The following ABCC4 variants were observed in gnomAD, a reference collection of about 807,000 sequenced individuals.
ABCC4 encodes the protein ATP-binding cassette sub-family C member 4.
In ABCC4, 102 loss-of-function variants were observed where a neutral mutation model predicts 168.5. That is an observed-to-expected ratio of 0.61 (90% CI 0.52 to 0.71). ABCC4 has a LOEUF of 0.71. Among genes scored for constraint, ABCC4 ranks in the 30% least tolerant of loss-of-function variants. ABCC4 has a pLI of 0.00. For missense variants in ABCC4, 1,402 were observed against 1,605.8 expected (o/e 0.87, Z 2.17); for synonymous variants, 617 against 590.7 (o/e 1.04, Z -0.65).
chr13:95,101,628 T>C (rs958396512), intron 20 of ABCC4, among the ~76,000 whole-genome samples: 3 of 152,214 alleles, frequency 2.0e-5, no homozygotes, highest in Admixed American at 6.5e-5. Context: ...ACACTCAATG[T>C]TATCAAGGGC....
chr13:95,125,791 T>G, intron 19 of ABCC4, among the ~76,000 whole-genome samples: 1 of 152,192 alleles, frequency 6.6e-6, no homozygotes, highest in East Asian at 1.9e-4. Flanking sequence ...AAGTGATGAT[T>G]ATTTTACATT....
chr13:95,293,044 C>A (rs1186601476), intron 1 of ABCC4, among the ~76,000 whole-genome samples: 5 of 152,106 alleles, frequency 3.3e-5, no homozygotes, highest in African/African-American at 1.2e-4. Flanking sequence ...ACGTCTCAGG[C>A]AACACTTTCT....
At chr13:95,253,211 AG>A (rs1310369968) in intron 1 of ABCC4, among the ~76,000 whole-genome samples, 1 of 152,150 alleles carries the variant, frequency 6.6e-6, no homozygotes, top group Non-Finnish European at 1.5e-5. Context: ...AATGATGCTG[AG>A]TTTCCATTTT....
chr13:95,040,822 A>G (rs1403255322), intron 29 of ABCC4, among the ~76,000 whole-genome samples: 2 of 152,210 alleles, frequency 1.3e-5, no homozygotes, highest in Non-Finnish European at 2.9e-5. Flanking sequence ...AGAAAGAAAG[A>G]TATACATTAT....
At chr13:95,089,444 C>A (rs897133324) in intron 20 of ABCC4, among the ~76,000 whole-genome samples, 3 of 152,024 alleles carry the variant, frequency 2.0e-5, no homozygotes, top group African/African-American at 7.2e-5. Flanking sequence ...ATGGTGAAAC[C>A]CCGTCTCTAC....
At chr13:95,052,049 C>T (rs1004356160) in intron 27 of ABCC4, among the ~76,000 whole-genome samples, 5 of 148,458 alleles carry the variant, frequency 3.4e-5, no homozygotes, top group Non-Finnish European at 7.4e-5. Context: ...GGCACGATCT[C>T]GGCTCACTGC....
chr13:95,241,203 A>C (rs1266046393), intron 3 of ABCC4, among the ~76,000 whole-genome samples: 2 of 151,816 alleles, frequency 1.3e-5, no homozygotes, highest in Admixed American at 6.6e-5. Flanking sequence ...TCTCTACTAA[A>C]AATACAAAAA....
chr13:95,276,077 T>C (rs576288216), intron 1 of ABCC4, among the ~76,000 whole-genome samples: 10 of 152,176 alleles, frequency 6.6e-5, no homozygotes, highest in South Asian at 4.2e-4. Context: ...AGGAAATAAA[T>C]CAAGAGGGAA....
At chr13:95,217,232 T>C (rs1276011263) in intron 4 of ABCC4, among the ~76,000 whole-genome samples, 1 of 152,168 alleles carries the variant, frequency 6.6e-6, no homozygotes, top group Non-Finnish European at 1.5e-5. Context: ...ATTTGAAAAA[T>C]ATAAACTGTT....
At chr13:95,296,496 T>C (rs556143666) in intron 1 of ABCC4, among the ~76,000 whole-genome samples, 9 of 152,278 alleles carry the variant, frequency 5.9e-5, no homozygotes, top group Admixed American at 2.0e-4. Flanking sequence ...AGAGTCTGTC[T>C]GGTCACCAGT....
intron 13 of ABCC4, among the ~76,000 whole-genome samples, chr13:95,174,381 G>C (rs770829255): frequency 4.6e-5 from 7 of 152,156 alleles, no homozygotes; most frequent in Non-Finnish European, 8.8e-5. Flanking sequence ...ATCTTTCATA[G>C]CATATTGTTC....
At chr13:95,112,278 G>C (rs2035229417) in intron 20 of ABCC4, among the ~76,000 whole-genome samples, 1 of 151,854 alleles carries the variant, frequency 6.6e-6, no homozygotes, top group Admixed American at 6.6e-5. Context: ...GTTTGAACCT[G>C]GGGGGCAAAG....
chr13:95,150,683 T>A (rs754077478), intron 19 of ABCC4, among the ~76,000 whole-genome samples: 1 of 152,208 alleles, frequency 6.6e-6, no homozygotes, highest in Non-Finnish European at 1.5e-5. Context: ...GAAAATATCA[T>A]TACTTATGTT....
chr13:95,060,129 T>A (rs1270094408), intron 26 of ABCC4, among the ~76,000 whole-genome samples: 1 of 152,180 alleles, frequency 6.6e-6, no homozygotes, highest in Non-Finnish European at 1.5e-5. Flanking sequence ...TCAACCAACA[T>A]TGAGCCTTGG....
intron 4 of ABCC4, among the ~76,000 whole-genome samples, chr13:95,212,551 T>C (rs1290762157): frequency 1.3e-5 from 2 of 152,184 alleles, no homozygotes; most frequent in African/African-American, 4.8e-5. Flanking sequence ...AGATTGTGTC[T>C]GAGGCCAACA....
At chr13:95,103,240 G>A (rs1324261753) in intron 20 of ABCC4, among the ~76,000 whole-genome samples, 1 of 152,102 alleles carries the variant, frequency 6.6e-6, no homozygotes, top group Non-Finnish European at 1.5e-5. Flanking sequence ...ACTCCAGCCT[G>A]GGCGACAGAG....
At chr13:95,294,940 G>C (rs761773383) in intron 1 of ABCC4, among the ~76,000 whole-genome samples, 1 of 152,078 alleles carries the variant, frequency 6.6e-6, no homozygotes, top group Non-Finnish European at 1.5e-5. Flanking sequence ...GGCAACAAGA[G>C]TGAAACTCCA....
chr13:95,290,705 CAAAAAA>C (rs55933951), intron 1 of ABCC4, among the ~76,000 whole-genome samples: 3 of 56,028 alleles, frequency 5.4e-5, no homozygotes, highest in Admixed American at 3.0e-4. Flanking sequence ...AACTCTGTCT[CAAAAAA>C]AAAAAAAAAA....
At chr13:95,236,597 TGC>T (rs1284926611) in intron 3 of ABCC4, among the ~76,000 whole-genome samples, 5 of 92,330 alleles carry the variant, frequency 5.4e-5, no homozygotes, top group South Asian at 5.3e-4. Context: ...AACGCGCGCG[TGC>T]GCGCACACAC....
Sources: allele counts gnomAD v4.1 joint callset (sites outside exome capture counted in the v4.1 genomes callset), GRCh38; gene constraint gnomAD v4.1.1; transcripts MANE v1.5; gene names NCBI Gene and HGNC (gene_info 2026-07-23, HGNC 2026-07-21).